The following ACP1 variants were observed in gnomAD, a reference collection of about 807,000 sequenced individuals.
ACP1 encodes the protein acid phosphatase 1.
ACP1 carries 23 observed loss-of-function variants against 23.4 expected under a neutral mutation model. The observed-to-expected ratio is 0.98, with a 90% CI of 0.71 to 1.39. The LOEUF is 1.39. Ranked by LOEUF, ACP1 falls within the 40% of genes most tolerant of loss-of-function variation. The pLI is 0.00. For missense variants in ACP1, 180 were observed against 197.7 expected (o/e 0.91, Z 0.54); for synonymous variants, 72 against 67.2 (o/e 1.07, Z -0.35).
At chr2:274,333 C>T (rs1012041385) in intron 3 of ACP1, among the ~76,000 whole-genome samples, 3 of 152,176 alleles carry the variant, frequency 2.0e-5, no homozygotes, top group South Asian at 2.1e-4. Flanking sequence ...ACCTTTGTTC[C>T]GCAGTACGTA....
chr2:274,317 C>G lies in ACP1; in HGVS notation c.232-823C>G, dbSNP rs181139392. Reference sequence around the variant, plus strand: ...CATTTTTTAGAAGAACAGGTATACACTTTCCACCTTTGTTCCGCAGTACGT... The same window carrying G: ...CATTTTTTAGAAGAACAGGTATACAGTTTCCACCTTTGTTCCGCAGTACGT... On this transcript the variant is annotated intron_variant, in intron 3 of 5. Coordinates refer to ENST00000272065, the MANE Select transcript of ACP1 (RefSeq NM_004300.4). 1.5e-3 allele frequency among the ~76,000 whole-genome samples: 228 copies of G among 152,308 alleles called. 1 individual carries two copies. The highest frequency in any genetic ancestry group is 4.9e-3 in the African/African-American group (203 of 41,562).
chr2:274,903 A>G (rs780508212), intron 3 of ACP1: 1 of 320,176 alleles, frequency 3.1e-6, no homozygotes, highest in Non-Finnish European at 5.7e-6. Context: ...GTGTCTACAC[A>G]TTATACTATT....
chr2:270,501 G>C (rs891958931), intron 1 of ACP1, among the ~76,000 whole-genome samples: 1 of 152,044 alleles, frequency 6.6e-6, no homozygotes, highest in African/African-American at 2.4e-5. Flanking sequence ...TTTCTGGTAA[G>C]AAATTTTCTT....
intron 1 of ACP1, chr2:266,252 T>C (rs1669878117): frequency 6.6e-6 from 1 of 152,268 alleles, no homozygotes; most frequent in Middle Eastern, 3.2e-3. Flanking sequence ...GACTAGGTTT[T>C]GTAGAAGTTA....
chr2:271,995 T>C, intron 2 of ACP1, 42 bp from the exon 3 acceptor site: 1 of 1,438,430 alleles, frequency 7.0e-7, no homozygotes, highest in South Asian at 1.2e-5. Flanking sequence ...GGGCAGGAAA[T>C]TGCAAAAAAA....
At chr2:267,136 A>G (rs1156628502) in intron 1 of ACP1, among the ~76,000 whole-genome samples, 1 of 152,242 alleles carries the variant, frequency 6.6e-6, no homozygotes, top group African/African-American at 2.4e-5. Flanking sequence ...TTCTTCATTT[A>G]ATATTTTCCA....
At chr2:271,797 G>A (rs59937473) in intron 1 of ACP1, 69 bp from the exon 2 acceptor site, 413,564 of 1,241,766 alleles carry the variant, frequency 0.33, 70,516 homozygotes, top group Non-Finnish European at 0.35. Flanking sequence ...GGTGTGTAAA[G>A]AAGGGGAGCT....
chr2:267,169 C>G (rs1032936190), intron 1 of ACP1, among the ~76,000 whole-genome samples: 1 of 152,114 alleles, frequency 6.6e-6, no homozygotes, highest in Non-Finnish European at 1.5e-5. Flanking sequence ...CATGGGGTAA[C>G]CATGGAAAGC....
At chr2:276,423 G>A (rs745521737) in intron 4 of ACP1, among the ~76,000 whole-genome samples, 12 of 152,242 alleles carry the variant, frequency 7.9e-5, no homozygotes, top group Non-Finnish European at 1.6e-4. Context: ...GTGCTCAGTC[G>A]AAATTTGTTA....
At chr2:268,146 A>G (rs1669938563) in intron 1 of ACP1, among the ~76,000 whole-genome samples, 1 of 152,216 alleles carries the variant, frequency 6.6e-6, no homozygotes, top group Non-Finnish European at 1.5e-5. Flanking sequence ...GGAAGTGATC[A>G]AATTTAAGTT....
In ACP1 at chr2:277,392, G is replaced by A; in HGVS notation, c.*88G>A. The A allele has an allele frequency of 5.2e-6, 6 of 1,151,996 alleles. No homozygotes were observed. The highest frequency in any genetic ancestry group is 7.9e-6 in the Non-Finnish European group (6 of 761,136). The allele number at this position is 1,151,996 out of a possible 1,614,324, so 71.4% of individuals were successfully genotyped here. On this transcript the variant is annotated 3_prime_UTR_variant, in exon 6 of 6. Coordinates refer to ENST00000272065, the MANE Select transcript of ACP1 (RefSeq NM_004300.4). ...CAGTCGGTGTGTAATCACGTTCCAG[G>A]GCCCAAAGCCCAGCTCTTTGTTCAG... is the stretch of plus-strand genomic sequence containing the variant.
chr2:277,787 CAGTCT>C lies in ACP1; in HGVS notation c.*486_*490del, dbSNP rs1289763723. 1 of 175,086 alleles carries C rather than the reference CAGTCT, an allele frequency of 5.7e-6. No homozygotes were observed. Among genetic ancestry groups the C allele is most frequent in the Non-Finnish European group, 1.2e-5 (1 of 80,420 alleles). 10.8% of individuals were successfully genotyped at this position (175,086 alleles called of 1,614,324 possible). A position where few individuals can be genotyped will look rare whatever the true frequency, so the allele number is the denominator to read the frequency against. ...CAGTAGTCCCCTCCGTAGGAGCTCACAGTCTAGATTAGAAGTGTTTTAATTTCTAC... is the reference window on the plus strand; with the variant it reads ...CAGTAGTCCCCTCCGTAGGAGCTCACAGATTAGAAGTGTTTTAATTTCTAC... On this transcript the variant is annotated 3_prime_UTR_variant, in exon 6 of 6. Transcript: ENST00000272065.
rs749922020 is a variant in ACP1, at chr2:277,187, T to C, written c.400-40T>C. On this transcript the variant is annotated intron_variant, in intron 5 of 5. Transcript: ENST00000272065. ...GATTGTGTTAAGGATGTTTTTGTTA[T>C]GCAGGTTTTGCCATTTTCTTCTTTT... 7.5e-6 allele frequency: 12 copies of C among 1,607,616 alleles called. No homozygotes were observed. In the Admixed American group the frequency reaches 1.0e-4, roughly 13 times the overall value.
chr2:271,267 G>A lies in ACP1; in HGVS notation c.44-599G>A, dbSNP rs191420951. Among the ~76,000 whole-genome samples the A allele has an allele frequency of 1.5e-3, 236 of 152,280 alleles. 1 individual carries two copies. Among genetic ancestry groups the A allele is most frequent in the Middle Eastern group, 3.4e-3 (1 of 294 alleles). On this transcript the variant is annotated intron_variant, in intron 1 of 5. Coordinates refer to ENST00000272065, the MANE Select transcript of ACP1 (RefSeq NM_004300.4). ...AGCCACAGGGGTTTGAACTTTGAAG[G>A]ATTTATTCGAGGAATTTTTTTAATC...
At chr2:266,560 G>C (rs1394448556) in intron 1 of ACP1, among the ~76,000 whole-genome samples, 1 of 152,130 alleles carries the variant, frequency 6.6e-6, no homozygotes, top group African/African-American at 2.4e-5. Context: ...AGTGGATCCC[G>C]AAACTGTGGG....
chr2:266,864 C>T (rs1054975790), intron 1 of ACP1, among the ~76,000 whole-genome samples: 1 of 151,980 alleles, frequency 6.6e-6, no homozygotes, highest in Non-Finnish European at 1.5e-5. Flanking sequence ...TATGGCTTCT[C>T]TTTGCCGTAT....
At chr2:275,716 G>T (rs866305361) in intron 4 of ACP1, 1 of 154,390 alleles carries the variant, frequency 6.5e-6, no homozygotes, top group Middle Eastern at 5.2e-4. Context: ...GAAGGGCCCT[G>T]CTGTATGCAC....
intron 1 of ACP1, chr2:265,296 A>T: frequency 1.0e-5 from 4 of 397,962 alleles, no homozygotes; most frequent in Non-Finnish European, 1.3e-5. Flanking sequence ...CTTTGCGACT[A>T]CTAGAATCCC....
intron 1 of ACP1, chr2:265,409 A>G (rs535225506): frequency 3.5e-5 from 6 of 172,594 alleles, no homozygotes; most frequent in Non-Finnish European, 7.3e-5. Context: ...TTTGTTTGCT[A>G]GTTTCCTTAG....
Sources: allele counts gnomAD v4.1 joint callset (sites outside exome capture counted in the v4.1 genomes callset), GRCh38; gene constraint gnomAD v4.1.1; transcripts MANE v1.5; gene names NCBI Gene and HGNC (gene_info 2026-07-23, HGNC 2026-07-21).